ELAVL2: variants seen among roughly 807,000 people sequenced by gnomAD.
ELAVL2 encodes ELAV like RNA binding protein 2.
Under a neutral mutation model 34.6 loss-of-function variants are expected in ELAVL2, and 4 were observed. The ratio of observed to expected loss-of-function variants is 0.12; its 90% CI spans 0.06 to 0.26. The LOEUF (loss-of-function observed/expected upper bound fraction) is 0.26, where lower values mean the gene tolerates loss of function less well. Among genes scored for constraint, ELAVL2 ranks in the 10% least tolerant of loss-of-function variants. The pLI is 1.00. For synonymous variants in ELAVL2, 193 were observed against 154.8 expected, an observed-to-expected ratio of 1.25 and a Z score of -1.83; for missense variants, 432 against 442.8, an observed-to-expected ratio of 0.98 and a Z score of 0.22.
chr9:23,783,763 G>A (rs980265889), intron 1 of ELAVL2, among the ~76,000 whole-genome samples: 10 of 151,984 alleles, frequency 6.6e-5, no homozygotes, highest in African/African-American at 2.4e-4. Context: ...GTAAGTGTGA[G>A]AAGGAGAGAT....
chr9:23,775,092 A>G (rs1470046996), intron 1 of ELAVL2, among the ~76,000 whole-genome samples: 3 of 152,214 alleles, frequency 2.0e-5, no homozygotes, highest in Non-Finnish European at 4.4e-5. Flanking sequence ...GGATTTGAGT[A>G]TCTTTTGCTA....
chr9:23,707,677 T>C (rs1232761966), intron 3 of ELAVL2, among the ~76,000 whole-genome samples: 1 of 152,254 alleles, frequency 6.6e-6, no homozygotes, highest in Non-Finnish European at 1.5e-5. Flanking sequence ...TCTGTGAACT[T>C]AGAACTAAGT....
chr9:23,831,065 G>A (rs775058372), upstream of ELAVL2, among the ~76,000 whole-genome samples: 1 of 152,206 alleles, frequency 6.6e-6, no homozygotes, highest in Non-Finnish European at 1.5e-5. Flanking sequence ...CAAAGTTAAA[G>A]GAAACCATCT....
intron 1 of ELAVL2, among the ~76,000 whole-genome samples, chr9:23,816,910 T>C (rs2063793232): frequency 6.6e-6 from 1 of 152,168 alleles, no homozygotes; most frequent in Non-Finnish European, 1.5e-5. Flanking sequence ...CTTAATGCCA[T>C]TTTCAACTTG....
Position 23,720,694 on chromosome 9 carries a change from T to A in ELAVL2, c.333+10328A>T, listed in dbSNP as rs573209654. The stretch of plus-strand genomic sequence containing the variant: ...ATTAGTGAATCCCAGCCATTCAACA[T>A]ATCTTGATGTAACCGACAAATGAAA... On this transcript the variant is annotated intron_variant, in intron 3 of 6. Transcript: ENST00000397312. Among the ~76,000 whole-genome samples the A allele has an allele frequency of 1.1e-3, 169 of 152,308 alleles. 3 individuals carry two copies. The highest frequency in any genetic ancestry group is 6.8e-3 in the Middle Eastern group (2 of 294).
rs1161178277 is a variant in ELAVL2, at chr9:23,810,801, A to G, written c.-16+15005T>C. 5.3e-5 allele frequency among the ~76,000 whole-genome samples: 8 copies of G among 152,162 alleles called. No homozygotes were observed. In the East Asian group the frequency reaches 7.7e-4, roughly 15 times the overall value. ...TCCCAGGGAGCTGTGGCAAGTTTCTATAAGGACAGAAAAACTTGGTGTTAA... is the reference window on the plus strand; with the variant it reads ...TCCCAGGGAGCTGTGGCAAGTTTCTGTAAGGACAGAAAAACTTGGTGTTAA... On this transcript the variant is annotated intron_variant, in intron 1 of 6. Coordinates refer to ENST00000397312, the MANE Select transcript of ELAVL2 (RefSeq NM_004432.5).
chr9:23,748,173 G>T (rs1013111064), intron 2 of ELAVL2, among the ~76,000 whole-genome samples: 1 of 151,266 alleles, frequency 6.6e-6, no homozygotes, highest in African/African-American at 2.4e-5. Flanking sequence ...TTCCTTGAGG[G>T]GTAGGGGGAA....
chr9:23,831,264 A>G (rs752024796), upstream of ELAVL2, among the ~76,000 whole-genome samples: 2 of 152,154 alleles, frequency 1.3e-5, no homozygotes, highest in African/African-American at 4.8e-5. Flanking sequence ...AGAGCCATCC[A>G]GGGCGCTCCG....
the ELAVL2 span, among the ~76,000 whole-genome samples, chr9:23,842,130 T>C: frequency 6.6e-6 from 1 of 152,164 alleles, no homozygotes; most frequent in Non-Finnish European, 1.5e-5. Context: ...CCTTAGACAA[T>C]TGGTTTCCAA....
At chr9:23,726,904 T>G (rs1225174285) in intron 3 of ELAVL2, among the ~76,000 whole-genome samples, 1 of 152,072 alleles carries the variant, frequency 6.6e-6, no homozygotes, top group African/African-American at 2.4e-5. Context: ...ACTCACTTCA[T>G]GAATAACTCA....
chr9:23,737,685 T>A (rs946231803), intron 2 of ELAVL2, among the ~76,000 whole-genome samples: 3 of 152,206 alleles, frequency 2.0e-5, no homozygotes, highest in Non-Finnish European at 2.9e-5. Context: ...ACTACACTGA[T>A]TGATGTGTAT....
chr9:23,844,802 A>G, the ELAVL2 span, among the ~76,000 whole-genome samples: 1 of 151,988 alleles, frequency 6.6e-6, no homozygotes, highest in Non-Finnish European at 1.5e-5. Context: ...TGCCCTTTCT[A>G]TAATGCTCTG....
At chr9:23,719,404 A>C (rs879505790) in intron 3 of ELAVL2, among the ~76,000 whole-genome samples, 1 of 152,216 alleles carries the variant, frequency 6.6e-6, no homozygotes, top group Non-Finnish European at 1.5e-5. Context: ...GACTTTGTGC[A>C]CCAGGATATA....
At chr9:23,837,305 C>A in the ELAVL2 span, among the ~76,000 whole-genome samples, 163 of 152,246 alleles carry the variant, frequency 1.1e-3, no homozygotes, top group African/African-American at 3.7e-3. Context: ...TGGGAAAGTA[C>A]GCACTGTGGC....
At chr9:23,707,422 T>A (rs2039677953) in intron 3 of ELAVL2, among the ~76,000 whole-genome samples, 2 of 152,218 alleles carry the variant, frequency 1.3e-5, no homozygotes, top group Admixed American at 1.3e-4. Context: ...ACAAGTCAGC[T>A]GTTACTCTGT....
intron 4 of ELAVL2, 71 bp downstream of exon 4, chr9:23,704,847 G>A (rs1311066577): frequency 1.9e-6 from 3 of 1,579,370 alleles, no homozygotes; most frequent in Non-Finnish European, 1.7e-6. Context: ...CTGCTACATG[G>A]AAAGACAGAA....
At chr9:23,789,556 A>C (rs761701033) in intron 1 of ELAVL2, among the ~76,000 whole-genome samples, 76 of 152,336 alleles carry the variant, frequency 5.0e-4, no homozygotes, top group Non-Finnish European at 9.1e-4. Flanking sequence ...TGAATGATAA[A>C]GCTTGGTCAT....
chr9:23,702,541 T>A (rs1431609436), intron 4 of ELAVL2, among the ~76,000 whole-genome samples: 3 of 152,014 alleles, frequency 2.0e-5, no homozygotes, highest in African/African-American at 7.2e-5. Flanking sequence ...GAAATTTTTT[T>A]TGGCAAGTAA....
rs755650566 is a variant in ELAVL2 at position 23,693,421 on chromosome 9, A to C, written c.752+27T>G. 8.1e-6 allele frequency: 13 copies of C among 1,613,670 alleles called. No homozygotes were observed. In the East Asian group the frequency reaches 2.9e-4, roughly 36 times the overall value. On this transcript the variant is annotated intron_variant, in intron 6 of 6. Transcript: ENST00000397312. The stretch of plus-strand genomic sequence containing the variant: ...AACCAATCAACTGTGGAAAGGGATT[A>C]TGAGTATCATGAACCTCTATCATTA...
Sources: allele counts gnomAD v4.1 joint callset (sites outside exome capture counted in the v4.1 genomes callset), GRCh38; gene constraint gnomAD v4.1.1; transcripts MANE v1.5; gene names NCBI Gene and HGNC (gene_info 2026-07-23, HGNC 2026-07-21).